The following ADCY2 variants were observed in gnomAD, a reference collection of about 807,000 sequenced individuals.
The protein encoded by ADCY2 is adenylate cyclase 2.
ADCY2 carries 31 observed loss-of-function variants against 125.2 expected under a neutral mutation model. The observed-to-expected ratio is 0.25, with a 90% confidence interval of 0.19 to 0.33. The LOEUF is 0.33. Ranked by LOEUF, ADCY2 falls within the 10% of genes least tolerant of loss-of-function variation. The probability of loss-of-function intolerance (pLI) is 1.00; values close to 1 mark genes in which losing one functional copy is unlikely to be tolerated. For synonymous variants in ADCY2, 512 were observed against 548.4 expected, an observed-to-expected ratio of 0.93 and a Z score of 0.93; for missense variants, 904 against 1,418.2, an observed-to-expected ratio of 0.64 and a Z score of 5.82.
At chr5:7,490,332 TG>T (rs1210581015) in intron 2 of ADCY2, among the ~76,000 whole-genome samples, 2 of 152,202 alleles carry the variant, frequency 1.3e-5, no homozygotes, top group Non-Finnish European at 1.5e-5. Context: ...AGTATTTAAC[TG>T]TTTGTAATTC....
At chr5:7,441,409 T>C (rs1579446429) in intron 2 of ADCY2, among the ~76,000 whole-genome samples, 2 of 151,848 alleles carry the variant, frequency 1.3e-5, no homozygotes, top group Non-Finnish European at 2.9e-5. Flanking sequence ...AATTTAATTA[T>C]TTTTAGTGTT....
chr5:7,651,291 A>G (rs1739079926), intron 4 of ADCY2, among the ~76,000 whole-genome samples: 1 of 152,174 alleles, frequency 6.6e-6, no homozygotes, highest in Non-Finnish European at 1.5e-5. Flanking sequence ...GGATAGATGT[A>G]TATATAAAGG....
chr5:7,790,945 G>T (rs1744232357), intron 20 of ADCY2, among the ~76,000 whole-genome samples: 3 of 152,072 alleles, frequency 2.0e-5, no homozygotes, highest in Non-Finnish European at 4.4e-5. Context: ...TGAGCCGAGG[G>T]ATGATTTCTG....
intron 3 of ADCY2, among the ~76,000 whole-genome samples, chr5:7,585,253 A>G (rs1736591784): frequency 6.6e-6 from 1 of 152,154 alleles, no homozygotes; most frequent in South Asian, 2.1e-4. Context: ...ATACATCAAG[A>G]TGAGCATTCC....
At position 7,712,791 on chromosome 5, in the gene ADCY2, A is replaced by G; in HGVS notation, c.1579-65A>G. 3.6e-6 allele frequency: 4 copies of G among 1,107,708 alleles called. No individual in the cohort carries two copies. In the Admixed American group the frequency reaches 5.4e-5, roughly 15 times the overall value. The allele number at this position is 1,107,708 out of a possible 1,614,324, so 68.6% of individuals were successfully genotyped here. On this transcript the variant is annotated intron_variant, in intron 10 of 24. Transcript: ENST00000338316. ...TAAAAGAGGAAATATGTTTCACCTA[A>G]TTATCATTGCAACATTCTTCTTGAA...
chr5:7,764,499 A>G (rs971840919), intron 16 of ADCY2, among the ~76,000 whole-genome samples: 2 of 152,240 alleles, frequency 1.3e-5, no homozygotes, highest in African/African-American at 4.8e-5. Context: ...AAACACAATG[A>G]TGTCATCAGG....
intron 4 of ADCY2, among the ~76,000 whole-genome samples, chr5:7,666,707 A>G (rs915390055): frequency 6.6e-6 from 1 of 152,198 alleles, no homozygotes; most frequent in Non-Finnish European, 1.5e-5. Context: ...TCTTTCCCAC[A>G]TGGGGCCTCA....
At chr5:7,549,453 T>G (rs1430062592) in intron 3 of ADCY2, among the ~76,000 whole-genome samples, 1 of 152,158 alleles carries the variant, frequency 6.6e-6, no homozygotes, top group Non-Finnish European at 1.5e-5. Flanking sequence ...GGCAGGAAAA[T>G]GTAATTCCCC....
intron 7 of ADCY2, among the ~76,000 whole-genome samples, chr5:7,706,027 G>T (rs1055006017): frequency 6.6e-6 from 1 of 152,034 alleles, no homozygotes; most frequent in African/African-American, 2.4e-5. Flanking sequence ...TAATTCTTTC[G>T]ATGTAACTAG....
intron 12 of ADCY2, among the ~76,000 whole-genome samples, chr5:7,722,890 G>A (rs1741804753): frequency 6.8e-6 from 1 of 147,732 alleles, no homozygotes; most frequent in Admixed American, 6.9e-5. Flanking sequence ...AACCCGGGAG[G>A]CAGAGGTTGC....
chr5:7,829,729 T>C lies in ADCY2; in HGVS notation c.*2858T>C, dbSNP rs1265434001. Reference sequence around the variant, plus strand: ...GTTATTCTTCCTTCCCAACTCACTGTGCTCCTAAAGGCAGCAACCATTCAT... The same window carrying C: ...GTTATTCTTCCTTCCCAACTCACTGCGCTCCTAAAGGCAGCAACCATTCAT... On this transcript the variant is annotated 3_prime_UTR_variant, in exon 25 of 25. Coordinates refer to ENST00000338316, the MANE Select transcript of ADCY2 (RefSeq NM_020546.3). 2 of 152,482 alleles carry C rather than the reference T, an allele frequency of 1.3e-5. No individual in the cohort carries two copies. The highest frequency in any genetic ancestry group is 3.8e-4 in the East Asian group (2 of 5,330). 9.4% of individuals were successfully genotyped at this position (152,482 alleles called of 1,614,324 possible). A position where few individuals can be genotyped will look rare whatever the true frequency, so the allele number is the denominator to read the frequency against.
At chr5:7,490,700 C>T (rs1165306629) in intron 2 of ADCY2, among the ~76,000 whole-genome samples, 4 of 152,054 alleles carry the variant, frequency 2.6e-5, no homozygotes, top group African/African-American at 9.7e-5. Context: ...CACAGGCACA[C>T]CATCATTTTG....
chr5:7,635,645 A>T (rs1026809789), intron 4 of ADCY2, among the ~76,000 whole-genome samples: 1 of 152,176 alleles, frequency 6.6e-6, no homozygotes, highest in Non-Finnish European at 1.5e-5. Flanking sequence ...CTTGAAAGTC[A>T]TCAGCATATA....
At chr5:7,432,524 C>T (rs1165001671) in intron 2 of ADCY2, among the ~76,000 whole-genome samples, 1 of 152,228 alleles carries the variant, frequency 6.6e-6, no homozygotes, top group South Asian at 2.1e-4. Context: ...CGCTCACCTT[C>T]GTGCTCCATC....
chr5:7,507,462 G>T (rs1261639708), intron 2 of ADCY2, among the ~76,000 whole-genome samples: 9 of 77,986 alleles, frequency 1.2e-4, no homozygotes, highest in African/African-American at 3.7e-4. Flanking sequence ...AAAAAAAAAA[G>T]GTAACAAAGC....
chr5:7,596,969 G>A (rs563135801), intron 3 of ADCY2, among the ~76,000 whole-genome samples: 2 of 152,304 alleles, frequency 1.3e-5, no homozygotes, highest in African/African-American at 4.8e-5. Context: ...AAGTAAGAAA[G>A]GGAGTCCAGG....
At chr5:7,701,975 C>T (rs1191314394) in intron 7 of ADCY2, among the ~76,000 whole-genome samples, 1 of 152,158 alleles carries the variant, frequency 6.6e-6, no homozygotes, top group Non-Finnish European at 1.5e-5. Flanking sequence ...CTTGCTGATC[C>T]CTCAACTTAA....
chr5:7,690,334 T>A (rs1025495208), intron 4 of ADCY2, among the ~76,000 whole-genome samples: 3 of 152,160 alleles, frequency 2.0e-5, no homozygotes, highest in Admixed American at 1.3e-4. Context: ...CAAAAATGAG[T>A]GTTCTCTATC....
chr5:7,695,692 C>A, intron 5 of ADCY2, 60 bp from the exon 6 acceptor site: 1 of 1,034,972 alleles, frequency 9.7e-7, no homozygotes, highest in Non-Finnish European at 1.4e-6. Context: ...ATTATTATTA[C>A]TTTCTTAAAA....
Sources: gnomAD v4.1 joint callset for allele counts (sites outside exome capture counted in the v4.1 genomes callset) on GRCh38, gnomAD v4.1.1 for gene constraint, MANE v1.5 for transcripts, NCBI Gene and HGNC (gene_info 2026-07-23, HGNC 2026-07-21) for gene names.